The following PRKG1 variants were observed in gnomAD, a reference collection of about 807,000 sequenced individuals.
PRKG1 encodes cGMP-dependent protein kinase 1.
A neutral mutation model predicts 88.1 loss-of-function variants in PRKG1; 35 were observed. The ratio of observed to expected loss-of-function variants is 0.40; its 90% CI spans 0.30 to 0.53. PRKG1 has a LOEUF of 0.53. Among genes scored for constraint, PRKG1 ranks in the 20% least tolerant of loss-of-function variants. The probability of loss-of-function intolerance (pLI) is 0.59; values close to 1 mark genes in which losing one functional copy is unlikely to be tolerated. For missense variants in PRKG1, 540 were observed against 839.8 expected (o/e 0.64, Z 4.41); for synonymous variants, 303 against 292.5 (o/e 1.04, Z -0.37).
chr10:51,686,806 G>T (rs1459162764), intron 3 of PRKG1, among the ~76,000 whole-genome samples: 3 of 152,018 alleles, frequency 2.0e-5, no homozygotes, highest in Admixed American at 6.6e-5. Flanking sequence ...TGCAATCTTG[G>T]CTCACTGCAA....
chr10:51,749,099 T>C (rs1387279019), intron 3 of PRKG1, among the ~76,000 whole-genome samples: 3 of 152,206 alleles, frequency 2.0e-5, no homozygotes, highest in African/African-American at 4.8e-5. Flanking sequence ...AGACAATCTT[T>C]GAAATTAACA....
At chr10:51,499,004 ACT>A (rs1284245707) in intron 3 of PRKG1, among the ~76,000 whole-genome samples, 2 of 152,050 alleles carry the variant, frequency 1.3e-5, no homozygotes, top group Non-Finnish European at 2.9e-5. Context: ...ACTAGTCATG[ACT>A]CTGTTCTGTC....
At chr10:51,720,741 A>C (rs1348216565) in intron 3 of PRKG1, among the ~76,000 whole-genome samples, 1 of 152,150 alleles carries the variant, frequency 6.6e-6, no homozygotes, top group African/African-American at 2.4e-5. Flanking sequence ...TTTAAATTAT[A>C]ATATTTTAGA....
chr10:52,191,134 C>T (rs1839352079), intron 9 of PRKG1, among the ~76,000 whole-genome samples: 1 of 152,088 alleles, frequency 6.6e-6, no homozygotes, highest in Non-Finnish European at 1.5e-5. Context: ...AGAGGAGTCT[C>T]CCTACCCTAC....
intron 2 of PRKG1, among the ~76,000 whole-genome samples, chr10:51,434,958 A>G (rs1467338699): frequency 1.3e-5 from 2 of 152,142 alleles, no homozygotes; most frequent in East Asian, 3.9e-4. Context: ...CTGTTGTAAG[A>G]TATTTCAGCA....
At chr10:51,490,261 A>C (rs1042226200) in intron 3 of PRKG1, among the ~76,000 whole-genome samples, 2 of 152,134 alleles carry the variant, frequency 1.3e-5, no homozygotes, top group African/African-American at 4.8e-5. Flanking sequence ...ACAAATAGGA[A>C]ATTATTTACC....
intron 3 of PRKG1, among the ~76,000 whole-genome samples, chr10:51,628,004 CTCTCTCTTTCTT>C (rs1327907200): frequency 9.7e-4 from 43 of 44,152 alleles, no homozygotes; most frequent in Middle Eastern, 0.015. Flanking sequence ...CTCTCTCTCT[CTCTCTCTTTCTT>C]TCTTTCTTTC....
chr10:51,472,953 T>C (rs929042951), intron 3 of PRKG1, among the ~76,000 whole-genome samples: 5 of 151,950 alleles, frequency 3.3e-5, no homozygotes, highest in Non-Finnish European at 5.9e-5. Flanking sequence ...CAAATTAAGT[T>C]TGGGCCAATG....
At chr10:51,919,825 C>A (rs1440185144) in intron 5 of PRKG1, among the ~76,000 whole-genome samples, 3 of 152,104 alleles carry the variant, frequency 2.0e-5, no homozygotes, top group African/African-American at 7.2e-5. Flanking sequence ...CTGTAAGTAC[C>A]TAAGCACAGG....
chr10:51,135,389 G>A (rs1392829183), intron 1 of PRKG1, among the ~76,000 whole-genome samples: 2 of 152,100 alleles, frequency 1.3e-5, no homozygotes, highest in Non-Finnish European at 2.9e-5. Context: ...GGAAAATGGG[G>A]CACGGAGTAG....
chr10:51,226,829 A>G lies in PRKG1; in HGVS notation c.478+73499A>G, dbSNP rs563525285. Among the ~76,000 whole-genome samples the G allele has an allele frequency of 2.0e-4, 31 of 152,304 alleles. No homozygotes were observed. In the South Asian group the frequency reaches 3.7e-3, roughly 18 times the overall value. ...ACAGATGGAAGTTTCAGGAAAATATATTTTGGCTCAGTAAAAGAAATAAAT... is the reference window on the plus strand; with the variant it reads ...ACAGATGGAAGTTTCAGGAAAATATGTTTTGGCTCAGTAAAAGAAATAAAT... On this transcript the variant is annotated intron_variant, in intron 2 of 17. Coordinates refer to ENST00000373980, the MANE Select transcript of PRKG1 (RefSeq NM_006258.4).
At chr10:51,255,016 G>T (rs193220228) in intron 2 of PRKG1, among the ~76,000 whole-genome samples, 6 of 152,106 alleles carry the variant, frequency 3.9e-5, no homozygotes, top group Admixed American at 3.9e-4. Flanking sequence ...TGTAAGTGAT[G>T]ATTTTAAAAT....
At chr10:52,237,923 T>G (rs1187386123) in intron 9 of PRKG1, among the ~76,000 whole-genome samples, 12 of 140,394 alleles carry the variant, frequency 8.5e-5, no homozygotes, top group Non-Finnish European at 3.1e-5. Flanking sequence ...CAAACTATAC[T>G]GCAAGGCTAC....
intron 2 of PRKG1, among the ~76,000 whole-genome samples, chr10:51,229,307 C>A (rs1201793123): frequency 2.0e-5 from 3 of 151,962 alleles, no homozygotes; most frequent in East Asian, 1.9e-4. Context: ...TATTTAAACC[C>A]CTTTGGAAAC....
intron 8 of PRKG1, among the ~76,000 whole-genome samples, chr10:52,135,545 A>T (rs955268576): frequency 3.3e-5 from 5 of 152,158 alleles, no homozygotes; most frequent in Non-Finnish European, 7.4e-5. Flanking sequence ...TTATGAGACC[A>T]TGGGTAGGAG....
chr10:51,672,159 C>T (rs1840599352), intron 3 of PRKG1, among the ~76,000 whole-genome samples: 1 of 151,906 alleles, frequency 6.6e-6, no homozygotes, highest in African/African-American at 2.4e-5. Flanking sequence ...TTTAGAAGCT[C>T]TTAGCCTTTA....
At chr10:51,547,744 A>G (rs1267154143) in intron 3 of PRKG1, among the ~76,000 whole-genome samples, 2 of 152,106 alleles carry the variant, frequency 1.3e-5, no homozygotes, top group Non-Finnish European at 2.9e-5. Flanking sequence ...GCCAATTTCT[A>G]TAGGTCCCCT....
chr10:51,930,497 T>C (rs866735528), intron 5 of PRKG1, among the ~76,000 whole-genome samples: 2,550 of 51,736 alleles, frequency 0.049, 117 homozygotes, highest in African/African-American at 0.16. Flanking sequence ...TTTTTCCTCT[T>C]TTTTTTTTTT....
intron 2 of PRKG1, among the ~76,000 whole-genome samples, chr10:51,246,090 A>C (rs1180906640): frequency 6.6e-6 from 1 of 152,094 alleles, no homozygotes; most frequent in African/African-American, 2.4e-5. Context: ...AGGGAGCAGC[A>C]AATTCATAGC....
Sources: allele counts gnomAD v4.1 joint callset (sites outside exome capture counted in the v4.1 genomes callset), GRCh38; gene constraint gnomAD v4.1.1; transcripts MANE v1.5; gene names NCBI Gene and HGNC (gene_info 2026-07-23, HGNC 2026-07-21).